Variants in PTCHD1 observed in about 807,000 individuals in gnomAD.
PTCHD1 encodes the protein patched domain containing 1, also known as patched domain-containing protein 1.
A neutral mutation model predicts 34.6 loss-of-function variants in PTCHD1; 3 were observed. The ratio of observed to expected loss-of-function variants is 0.09; its 90% CI spans 0.04 to 0.22. The LOEUF (loss-of-function observed/expected upper bound fraction) is 0.22. Among genes scored for constraint, PTCHD1 ranks in the 10% least tolerant of loss-of-function variants. PTCHD1 has a pLI of 1.00. For missense variants in PTCHD1, 504 were observed against 685.5 expected (o/e 0.74, Z 2.96); for synonymous variants, 305 against 283.1 (o/e 1.08, Z -0.77).
At chrX:23,372,099 G>GA (rs1350331274) in intron 1 of PTCHD1, among the ~76,000 whole-genome samples, 3 of 110,407 alleles carry the variant, frequency 2.7e-5, no homozygotes. Context: ...TAAAAACAGA[G>GA]ATGATGATAA....
chrX:23,340,620 T>C (rs1921282891), intron 1 of PTCHD1, among the ~76,000 whole-genome samples: 1 of 112,249 alleles, frequency 8.9e-6, no homozygotes, highest in Admixed American at 9.4e-5. Flanking sequence ...TCTCTCTGCT[T>C]TTCCAAGTAT....
In PTCHD1 at chrX:23,395,755, C is replaced by G. The variant is rs1280387525; in HGVS notation, c.*1570C>G. Reference sequence around the variant, plus strand: ...AAGCAAATATCTACAGTATTTTTCCCTTTTAGAGATGTAGCTTCCTTAGAC... The same window carrying G: ...AAGCAAATATCTACAGTATTTTTCCGTTTTAGAGATGTAGCTTCCTTAGAC... On this transcript the variant is annotated 3_prime_UTR_variant, in exon 3 of 3. Transcript: ENST00000379361. 7 of 111,857 alleles carry G rather than the reference C, an allele frequency of 6.3e-5. No individual in the cohort carries two copies. Among genetic ancestry groups the G allele is most frequent in the Non-Finnish European group, 1.3e-4 (7 of 53,126 alleles). The allele number at this position is 111,857 out of a possible 1,213,427, so 9.2% of individuals were successfully genotyped here.
At position 23,335,204 on chromosome X, in the gene PTCHD1, A is replaced by G; in HGVS notation, c.329A>G (p.His110Arg). 1 of 1,210,198 alleles carries G rather than the reference A, an allele frequency of 8.3e-7. No homozygotes were observed. Among genetic ancestry groups the G allele is most frequent in the Non-Finnish European group, 1.1e-6 (1 of 893,654 alleles). Residue 110 changes from histidine to arginine, a missense_variant, in exon 1 of 3, where the codon CAT becomes CGT. Coordinates refer to ENST00000379361, the MANE Select transcript of PTCHD1 (RefSeq NM_173495.3). ...SFQKANMLDQ[H>R]HTDLILKLHA... ...CAGAAAGCCAACATGCTGGACCAGC[A>G]TCACACCGACCTGATCTTAAAGGTG...
At chrX:23,342,314 T>A (rs1432545224) in intron 1 of PTCHD1, among the ~76,000 whole-genome samples, 94 of 19,409 alleles carry the variant, frequency 4.8e-3, no homozygotes, top group Non-Finnish European at 5.4e-3. Flanking sequence ...ATATATATTT[T>A]TTTTTTTTTT....
chrX:23,390,149 C>T (rs1922791493), intron 2 of PTCHD1, among the ~76,000 whole-genome samples: 1 of 111,495 alleles, frequency 9.0e-6, no homozygotes, highest in Non-Finnish European at 1.9e-5. Flanking sequence ...TATTATATGA[C>T]TAATTCTAAT....
rs1371426970 is a variant in PTCHD1, at chrX:23,380,086, G to A, written c.847G>A (p.Ala283Thr). The stretch of plus-strand genomic sequence containing the variant: ...CAGCCTGATTCTGGTGGTTACCATG[G>A]CCATCCTGTGTTGCTCTATGCAGGA... ...VTSLILVVTM[A>T]ILCCSMQDCV... The change falls in exon 2 of 3, where the codon GCC (alanine) becomes ACC (threonine). Residue 283 changes from alanine (A) to threonine (T), a missense_variant. Transcript: ENST00000379361. The A allele has an allele frequency of 8.3e-7, 1 of 1,211,842 alleles. No individual in the cohort carries two copies. The highest frequency in any genetic ancestry group is 1.1e-6 in the Non-Finnish European group (1 of 895,475).
chrX:23,381,982 G>T (rs900786429), intron 2 of PTCHD1, among the ~76,000 whole-genome samples: 1 of 111,615 alleles, frequency 9.0e-6, no homozygotes. Context: ...GAATGTTTTG[G>T]GGGTTACGGG....
intron 2 of PTCHD1, among the ~76,000 whole-genome samples, chrX:23,386,774 T>G: frequency 8.9e-6 from 1 of 112,824 alleles, no homozygotes; most frequent in Non-Finnish European, 1.9e-5. Context: ...TTTATTTCCA[T>G]ATATGAAATT....
At chrX:23,392,422 G>T in intron 2 of PTCHD1, 109 bp from the exon 3 acceptor site, 1 of 552,207 alleles carries the variant, frequency 1.8e-6, no homozygotes, top group East Asian at 3.4e-5. Context: ...GTCACCACTA[G>T]GGTTGATTAC....
chrX:23,374,565 C>T lies in PTCHD1; in HGVS notation c.352-5026C>T, dbSNP rs182206421. On this transcript the variant is annotated intron_variant, in intron 1 of 2. Transcript: ENST00000379361. ...GGCAGAAGGGGATTATAAGAGCCAA[C>T]GCCTCCCCAGAATGGGAAATCACTC... Among the ~76,000 whole-genome samples, 341 of 109,287 alleles carry T rather than the reference C, an allele frequency of 3.1e-3. 1 individual carries two copies. Among genetic ancestry groups the T allele is most frequent in the Admixed American group, 8.3e-3 (85 of 10,198 alleles). The allele number at this position is 109,287 out of a possible 115,157, so 94.9% of individuals were successfully genotyped here.
chrX:23,375,495 G>A (rs919572638), intron 1 of PTCHD1, among the ~76,000 whole-genome samples: 7 of 110,510 alleles, frequency 6.3e-5, no homozygotes, highest in Non-Finnish European at 1.3e-4. Flanking sequence ...GTTTCACCGT[G>A]GTCTCGATCT....
At chrX:23,358,107 C>T (rs1050605562) in intron 1 of PTCHD1, among the ~76,000 whole-genome samples, 18 of 111,607 alleles carry the variant, frequency 1.6e-4, no homozygotes, top group African/African-American at 4.2e-4. Flanking sequence ...TGAATAGTGC[C>T]GCAATAAACA....
intron 1 of PTCHD1, among the ~76,000 whole-genome samples, chrX:23,354,510 T>C (rs1171988188): frequency 1.9e-5 from 2 of 105,144 alleles, no homozygotes; most frequent in Non-Finnish European, 3.9e-5. Context: ...TATATATATA[T>C]ATATATATAT....
intron 2 of PTCHD1, among the ~76,000 whole-genome samples, chrX:23,388,000 C>T (rs941878579): frequency 3.6e-5 from 4 of 111,305 alleles, no homozygotes; most frequent in African/African-American, 1.3e-4. Context: ...GTTGTATCAT[C>T]CAGGGTAATC....
At chrX:23,387,451 C>A (rs1601916420) in intron 2 of PTCHD1, among the ~76,000 whole-genome samples, 1 of 111,266 alleles carries the variant, frequency 9.0e-6, no homozygotes, top group African/African-American at 3.3e-5. Context: ...TTCATTTGCT[C>A]CAAAGTCTGA....
rs1402918637 is a variant in PTCHD1, at chrX:23,397,183, A to T, written c.*2998A>T. The stretch of plus-strand genomic sequence containing the variant: ...CAAAAATATTGCTCCTGGTCAACTA[A>T]AAAACTGTGATACTGGGACTTTTTT... On this transcript the variant is annotated 3_prime_UTR_variant, in exon 3 of 3. Coordinates refer to ENST00000379361, the MANE Select transcript of PTCHD1 (RefSeq NM_173495.3). The T allele has an allele frequency of 1.8e-5, 2 of 112,252 alleles. No homozygotes were observed. Among genetic ancestry groups the T allele is most frequent in the African/African-American group, 6.5e-5 (2 of 30,888 alleles). The allele number at this position is 112,252 out of a possible 1,213,427, so 9.3% of individuals were successfully genotyped here.
chrX:23,343,261 T>A (rs912276128), intron 1 of PTCHD1, among the ~76,000 whole-genome samples: 2 of 112,543 alleles, frequency 1.8e-5, no homozygotes, highest in East Asian at 2.8e-4. Context: ...CCAGATCTGC[T>A]GCCATTTATA....
intron 1 of PTCHD1, among the ~76,000 whole-genome samples, chrX:23,377,575 GGTGTGTGTGTGT>G (rs748957859): frequency 5.0e-4 from 45 of 90,526 alleles, no homozygotes; most frequent in East Asian, 1.9e-3. Flanking sequence ...GCCTCCTAGG[GGTGTGTGTGTGT>G]GTGTGTGTGT....
chrX:23,370,806 G>A (rs1027284739), intron 1 of PTCHD1, among the ~76,000 whole-genome samples: 1 of 111,389 alleles, frequency 9.0e-6, no homozygotes, highest in African/African-American at 3.3e-5. Flanking sequence ...GGGGATGTGG[G>A]TTATATGGCA....
Sources: gnomAD v4.1 joint callset for allele counts (sites outside exome capture counted in the v4.1 genomes callset) on GRCh38, gnomAD v4.1.1 for gene constraint, MANE v1.5 for transcripts, NCBI Gene and HGNC (gene_info 2026-07-23, HGNC 2026-07-21) for gene names.